SGCD: variants seen among roughly 807,000 people sequenced by gnomAD.
The protein encoded by SGCD is delta-sarcoglycan.
In SGCD, 18 loss-of-function variants were observed where a neutral mutation model predicts 36.6. That is an observed-to-expected ratio of 0.49 (90% CI 0.34 to 0.73). The LOEUF is 0.73. SGCD is among the 30% of genes least tolerant of loss of function. The pLI is 0.01. For synonymous variants in SGCD, 133 were observed against 130.6 expected, an observed-to-expected ratio of 1.02 and a Z score of -0.12; for missense variants, 387 against 346.7, an observed-to-expected ratio of 1.12 and a Z score of -0.92.
intron 1 of SGCD, among the ~76,000 whole-genome samples, chr5:155,923,856 A>G (rs890226960): frequency 1.2e-4 from 18 of 152,208 alleles, no homozygotes; most frequent in African/African-American, 4.3e-4. Flanking sequence ...TATATAGCTT[A>G]TAAAACACAT....
At chr5:156,725,850 AAAAC>A (rs201113705) in intron 7 of SGCD, among the ~76,000 whole-genome samples, 1,727 of 152,342 alleles carry the variant, frequency 0.011, 45 homozygotes, top group African/African-American at 0.039. Context: ...TTTGAAGAAA[AAAAC>A]AAACTTTCTG....
At chr5:156,006,659 A>G (rs960438292) in intron 1 of SGCD, among the ~76,000 whole-genome samples, 2 of 152,224 alleles carry the variant, frequency 1.3e-5, no homozygotes, top group African/African-American at 4.8e-5. Context: ...TCCCAGATTT[A>G]TACCCCTCAA....
the SGCD span, among the ~76,000 whole-genome samples, chr5:155,830,524 T>G: frequency 6.6e-6 from 1 of 152,192 alleles, no homozygotes; most frequent in Non-Finnish European, 1.5e-5. Context: ...GCCAATAAAT[T>G]GAACCAGCGT....
At chr5:156,119,462 C>G (rs1761981598) in intron 2 of SGCD, among the ~76,000 whole-genome samples, 1 of 152,108 alleles carries the variant, frequency 6.6e-6, no homozygotes, top group East Asian at 1.9e-4. Context: ...TTGTTGGCAA[C>G]AGGAATGCTG....
chr5:156,000,191 C>A (rs541743644), intron 1 of SGCD, among the ~76,000 whole-genome samples: 1 of 152,216 alleles, frequency 6.6e-6, no homozygotes, highest in South Asian at 2.1e-4. Flanking sequence ...CCCCACAAAG[C>A]TGCCATTTAG....
At chr5:156,279,908 T>C (rs1468747038) in intron 3 of SGCD, among the ~76,000 whole-genome samples, 3 of 151,918 alleles carry the variant, frequency 2.0e-5, no homozygotes, top group African/African-American at 7.3e-5. Context: ...ATAATTTACA[T>C]AGGAATTTCC....
At chr5:156,302,049 T>A (rs886438581) in intron 3 of SGCD, among the ~76,000 whole-genome samples, 1 of 152,168 alleles carries the variant, frequency 6.6e-6, no homozygotes, top group African/African-American at 2.4e-5. Flanking sequence ...ATTGATAACT[T>A]TCCCTAGGTT....
intron 7 of SGCD, among the ~76,000 whole-genome samples, chr5:156,709,569 T>G (rs1052444281): frequency 1.3e-5 from 2 of 152,020 alleles, no homozygotes; most frequent in African/African-American, 2.4e-5. Context: ...GAATTCAGAG[T>G]GATATGAAAA....
intron 3 of SGCD, among the ~76,000 whole-genome samples, chr5:156,251,066 C>T (rs1434295057): frequency 6.6e-6 from 1 of 152,096 alleles, no homozygotes; most frequent in Non-Finnish European, 1.5e-5. Context: ...AATATAAACA[C>T]ATTTTACATT....
chr5:156,716,297 C>G (rs1214921132), intron 7 of SGCD, among the ~76,000 whole-genome samples: 3 of 152,214 alleles, frequency 2.0e-5, no homozygotes, highest in Non-Finnish European at 4.4e-5. Context: ...TCACCACTTC[C>G]TGCCACTGTC....
At chr5:156,190,240 G>T (rs772717624) in intron 3 of SGCD, among the ~76,000 whole-genome samples, 21 of 152,114 alleles carry the variant, frequency 1.4e-4, no homozygotes, top group Non-Finnish European at 2.9e-4. Flanking sequence ...CAGAAAGAAT[G>T]CCATTATCAA....
chr5:155,974,441 G>A (rs1561668703), intron 1 of SGCD, among the ~76,000 whole-genome samples: 1 of 152,020 alleles, frequency 6.6e-6, no homozygotes, highest in Admixed American at 6.5e-5. Flanking sequence ...AGGGTATCAT[G>A]TATCATGAGC....
chr5:156,741,763 T>C (rs1756685360), intron 7 of SGCD, among the ~76,000 whole-genome samples: 1 of 152,194 alleles, frequency 6.6e-6, no homozygotes, highest in South Asian at 2.1e-4. Context: ...GCAATCTACA[T>C]GGTGAATTGG....
intron 3 of SGCD, among the ~76,000 whole-genome samples, chr5:156,395,470 G>T (rs1432217981): frequency 6.6e-6 from 1 of 152,220 alleles, no homozygotes; most frequent in African/African-American, 2.4e-5. Flanking sequence ...CTGGCTTCCT[G>T]CAAGTCTGAC....
In SGCD at chr5:156,515,821, G is replaced by A. The variant is rs182816059; in HGVS notation, c.294+7119G>A. 4.3e-3 allele frequency among the ~76,000 whole-genome samples: 660 copies of A among 152,330 alleles called. 2 individuals carry two copies. The highest frequency in any genetic ancestry group is 7.2e-3 in the Non-Finnish European group (489 of 68,026). ...GAGCTGCCATCACTGTGCCCCAGCCGTTTTCCCCTGCTGGTGCCCTGGAGA... is the reference window on the plus strand; with the variant it reads ...GAGCTGCCATCACTGTGCCCCAGCCATTTTCCCCTGCTGGTGCCCTGGAGA... On this transcript the variant is annotated intron_variant, in intron 4 of 8. Transcript: ENST00000337851.
At chr5:156,327,634 A>G (rs1202516516) in intron 1 of SGCD, among the ~76,000 whole-genome samples, 1 of 152,154 alleles carries the variant, frequency 6.6e-6, no homozygotes, top group Non-Finnish European at 1.5e-5. Flanking sequence ...AAGAGTTTTA[A>G]TGGGGAGTTT....
At chr5:156,586,995 C>G (rs1483243579) in intron 4 of SGCD, among the ~76,000 whole-genome samples, 1 of 152,036 alleles carries the variant, frequency 6.6e-6, no homozygotes, top group African/African-American at 2.4e-5. Flanking sequence ...GATGCAGAAA[C>G]TAAACAGAAA....
intron 6 of SGCD, among the ~76,000 whole-genome samples, chr5:156,629,391 A>G: frequency 6.6e-6 from 1 of 152,244 alleles, no homozygotes. Context: ...ATATTTTTAC[A>G]AGGTTATCTT....
chr5:155,953,942 T>C (rs989045193), intron 1 of SGCD, among the ~76,000 whole-genome samples: 5 of 152,206 alleles, frequency 3.3e-5, no homozygotes, highest in Non-Finnish European at 5.9e-5. Context: ...TCCCACAGAG[T>C]GTGCTCAGAG....
Sources: gnomAD v4.1 joint callset for allele counts (sites outside exome capture counted in the v4.1 genomes callset) on GRCh38, gnomAD v4.1.1 for gene constraint, MANE v1.5 for transcripts, NCBI Gene and HGNC (gene_info 2026-07-23, HGNC 2026-07-21) for gene names.